Variants in SNX13 observed in about 807,000 individuals in gnomAD.
The protein encoded by SNX13 is sorting nexin 13.
SNX13 carries 45 observed loss-of-function variants against 133.6 expected under a neutral mutation model. The observed-to-expected ratio is 0.34, with a 90% CI of 0.27 to 0.43. The LOEUF is 0.43. Ranked by LOEUF, SNX13 falls within the 20% of genes least tolerant of loss-of-function variation. The probability of loss-of-function intolerance (pLI) is 1.00; values close to 1 mark genes in which losing one functional copy is unlikely to be tolerated. For synonymous variants in SNX13, 414 were observed against 373.9 expected, an observed-to-expected ratio of 1.11 and a Z score of -1.24; for missense variants, 1,032 against 1,145.1, an observed-to-expected ratio of 0.90 and a Z score of 1.43.
chr7:17,849,646 C>A (rs542384248), intron 11 of SNX13, among the ~76,000 whole-genome samples: 6 of 152,196 alleles, frequency 3.9e-5, no homozygotes, highest in South Asian at 2.1e-4. Flanking sequence ...TCTATGACTT[C>A]ATTCCTAGCA....
At chr7:17,918,843 G>A (rs1321942031) in intron 1 of SNX13, among the ~76,000 whole-genome samples, 1 of 152,170 alleles carries the variant, frequency 6.6e-6, no homozygotes, top group Non-Finnish European at 1.5e-5. Context: ...CAAAGGCATG[G>A]AATTAACCTA....
At chr7:17,917,564 A>G (rs1799697045) in intron 1 of SNX13, among the ~76,000 whole-genome samples, 1 of 152,124 alleles carries the variant, frequency 6.6e-6, no homozygotes, top group Admixed American at 6.5e-5. Flanking sequence ...TAAAAAGAAA[A>G]AAATACCTAG....
intron 8 of SNX13, among the ~76,000 whole-genome samples, chr7:17,870,568 G>A (rs956749313): frequency 1.3e-5 from 2 of 152,132 alleles, no homozygotes; most frequent in African/African-American, 4.8e-5. Context: ...CCTGTAACAA[G>A]GCAGATTTTC....
chr7:17,792,039 T>C lies in SNX13; in HGVS notation c.*2006A>G, dbSNP rs1562630280. On this transcript the variant is annotated 3_prime_UTR_variant, in exon 26 of 26. Transcript: ENST00000428135. The stretch of plus-strand genomic sequence containing the variant: ...TATTACATGACCTTTATTTCCCTAA[T>C]TGATGGCCAGTGCTCCTCACATTAT... The C allele has an allele frequency of 6.6e-6, 1 of 152,138 alleles. No homozygotes were observed. The highest frequency in any genetic ancestry group is 1.5e-5 in the Non-Finnish European group (1 of 67,968). The allele number at this position is 152,138 out of a possible 1,614,324, so 9.4% of individuals were successfully genotyped here. A position where few individuals can be genotyped will look rare whatever the true frequency, so the allele number is the denominator to read the frequency against.
At chr7:17,917,929 A>G (rs1179771624) in intron 1 of SNX13, among the ~76,000 whole-genome samples, 1 of 152,188 alleles carries the variant, frequency 6.6e-6, no homozygotes, top group African/African-American at 2.4e-5. Flanking sequence ...AGGCTACAAC[A>G]ATCAAAACAC....
intron 2 of SNX13, among the ~76,000 whole-genome samples, chr7:17,896,865 T>C (rs536607058): frequency 6.6e-6 from 1 of 152,212 alleles, no homozygotes; most frequent in South Asian, 2.1e-4. Flanking sequence ...AAGAGAAAAC[T>C]GCAAAATCAG....
rs201317570 is a variant in SNX13 at position 17,850,404 on chromosome 7, G to A, written c.1008C>T (p.Ser336=). The change falls in exon 11 of 26, where the codon AGC becomes AGT. Residue 336 remains serine (S), a synonymous_variant. Coordinates refer to ENST00000428135, the MANE Select transcript of SNX13 (RefSeq NM_015132.5). ...DINTIKNQIN[S]LLFVKKVCDS... ...CACATACCTTCTTTACGAATAGTAA[G>A]CTATTTATTTGATTTTTGATAGTGT... The A allele has an allele frequency of 8.7e-5, 139 of 1,589,252 alleles. No homozygotes were observed. The East Asian group carries it at 3.1e-3, about 36-fold the overall frequency.
At position 17,878,851 on chromosome 7, in the gene SNX13, G is replaced by A. The variant is rs557305825; in HGVS notation, c.441-3061C>T. Among the ~76,000 whole-genome samples the A allele has an allele frequency of 9.9e-5, 15 of 152,112 alleles. No homozygotes were observed. In the South Asian group the frequency reaches 2.9e-3, roughly 29 times the overall value. ...CAGGCTTTCTTTCCATTTGTCAAGT[G>A]CAAATATGCCCCTTTTACTCTCAGT... On this transcript the variant is annotated intron_variant, in intron 5 of 25. Coordinates refer to ENST00000428135, the MANE Select transcript of SNX13 (RefSeq NM_015132.5).
rs1347089951 is a variant in SNX13, at chr7:17,890,426, T to C, written c.377A>G (p.Asp126Gly). ...CCTAATTTCAAGAAGAAAAGATTCA[T>C]CATCGCTTAGTGTATAATACCAATA... ...VQYWYYTLSD[D>G]ESFLLEIRQT... The change falls in exon 5 of 26, where the codon GAT (aspartate) becomes GGT (glycine). Residue 126 changes from aspartate to glycine, a missense_variant. Physicochemically the swap from Asp to Gly is moderately conservative, Grantham distance 94. Coordinates refer to ENST00000428135, the MANE Select transcript of SNX13 (RefSeq NM_015132.5). 1 of 1,610,958 alleles carries C rather than the reference T, an allele frequency of 6.2e-7. No individual in the cohort carries two copies. The highest frequency in any genetic ancestry group is 8.5e-7 in the Non-Finnish European group (1 of 1,177,844).
At chr7:17,821,380 A>T in intron 18 of SNX13, 129 bp downstream of exon 18, 1 of 814,348 alleles carries the variant, frequency 1.2e-6, no homozygotes, top group Non-Finnish European at 1.9e-6. Context: ...TCTAAGATTT[A>T]TGGTGATTAT....
At position 17,792,936 on chromosome 7, in the gene SNX13, TTTACA is replaced by T. The variant is rs778338644; in HGVS notation, c.*1104_*1108del. 6.6e-6 allele frequency: 1 copy of T among 152,314 alleles called. No homozygotes were observed. Among genetic ancestry groups the T allele is most frequent in the Non-Finnish European group, 1.5e-5 (1 of 67,850 alleles). The allele number at this position is 152,314 out of a possible 1,614,324, so 9.4% of individuals were successfully genotyped here. ...GCCTACTAGCTTTATTTTGTAGAAC[TTTACA>T]TTATGTGAAATATAAATAAAAGCAT... is the stretch of plus-strand genomic sequence containing the variant. On this transcript the variant is annotated 3_prime_UTR_variant, in exon 26 of 26. Transcript: ENST00000428135.
chr7:17,793,314 C>G lies in SNX13; in HGVS notation c.*731G>C, dbSNP rs368412139. ...CATGCTTCTTTTTGCACAAAGAATG[C>G]CAAAAGGAAACATAAAATTGAGTAC... is the stretch of plus-strand genomic sequence containing the variant. On this transcript the variant is annotated 3_prime_UTR_variant, in exon 26 of 26. Transcript: ENST00000428135. 1 of 152,072 alleles carries G rather than the reference C, an allele frequency of 6.6e-6. No homozygotes were observed. The highest frequency in any genetic ancestry group is 1.5e-5 in the Non-Finnish European group (1 of 67,782). 9.4% of individuals were successfully genotyped at this position (152,072 alleles called of 1,614,324 possible).
chr7:17,813,744 G>A lies in SNX13; in HGVS notation c.2064+1090C>T, dbSNP rs139977715. On this transcript the variant is annotated intron_variant, in intron 20 of 25. Coordinates refer to ENST00000428135, the MANE Select transcript of SNX13 (RefSeq NM_015132.5). ...TGGGACTATAGGTGTGCACCACCAT[G>A]CCCAGCTAGTATTTTTTATTTTTTG... Among the ~76,000 whole-genome samples the A allele has an allele frequency of 5.5e-4, 84 of 151,938 alleles. 1 individual carries two copies. The highest frequency in any genetic ancestry group is 3.8e-3 in the Admixed American group (58 of 15,242).
chr7:17,834,893 C>A, intron 13 of SNX13, 28 bp from the exon 14 acceptor site: 1 of 1,325,238 alleles, frequency 7.5e-7, no homozygotes, highest in South Asian at 1.2e-5. Context: ...TAGTAATGAT[C>A]TCTGTAATTT....
At chr7:17,884,277 G>A (rs1285925979) in intron 5 of SNX13, among the ~76,000 whole-genome samples, 3 of 152,106 alleles carry the variant, frequency 2.0e-5, no homozygotes, top group Non-Finnish European at 2.9e-5. Flanking sequence ...GTCTATGGCT[G>A]AAAATAGCTA....
At chr7:17,853,748 C>A (rs1023200268) in intron 9 of SNX13, among the ~76,000 whole-genome samples, 1 of 152,106 alleles carries the variant, frequency 6.6e-6, no homozygotes, top group Non-Finnish European at 1.5e-5. Context: ...TCAGGACCAG[C>A]CTGGCCAAAA....
At chr7:17,849,693 T>C (rs563675816) in intron 11 of SNX13, among the ~76,000 whole-genome samples, 105 of 152,206 alleles carry the variant, frequency 6.9e-4, no homozygotes, top group African/African-American at 2.4e-3. Flanking sequence ...CACAACAACC[T>C]CCTCCAATTC....
chr7:17,863,340 C>A (rs1036887604), intron 9 of SNX13, among the ~76,000 whole-genome samples: 2 of 152,112 alleles, frequency 1.3e-5, no homozygotes, highest in Non-Finnish European at 2.9e-5. Flanking sequence ...CAGTGTAACA[C>A]CAGCTATGGT....
chr7:17,845,153 TACACAC>T (rs71010276), intron 12 of SNX13, among the ~76,000 whole-genome samples: 57 of 148,902 alleles, frequency 3.8e-4, no homozygotes, highest in East Asian at 1.4e-3. Flanking sequence ...TGCGTGTGTG[TACACAC>T]ACACACACAC....
Sources: gnomAD v4.1 joint callset for allele counts (sites outside exome capture counted in the v4.1 genomes callset) on GRCh38, gnomAD v4.1.1 for gene constraint, MANE v1.5 for transcripts, NCBI Gene and HGNC (gene_info 2026-07-23, HGNC 2026-07-21) for gene names.